COL15A1: variants seen among roughly 807,000 people sequenced by gnomAD.
COL15A1 encodes collagen alpha-1(XV) chain.
In COL15A1, 111 loss-of-function variants were observed where a neutral mutation model predicts 165.9. The observed-to-expected ratio is 0.67, with a 90% confidence interval of 0.57 to 0.78. The LOEUF is 0.78. Among genes scored for constraint, COL15A1 ranks in the 30% least tolerant of loss-of-function variants. COL15A1 has a pLI of 0.00. For synonymous variants in COL15A1, 659 were observed against 674.8 expected (o/e 0.98, Z 0.36); for missense variants, 1,745 against 1,789.7 (o/e 0.98, Z 0.45).
chr9:98,958,007 G>A (rs1837805063), intron 2 of COL15A1, among the ~76,000 whole-genome samples: 2 of 152,202 alleles, frequency 1.3e-5, no homozygotes, highest in African/African-American at 4.8e-5. Context: ...CAGTACTCAG[G>A]CAATGCCTTT....
At chr9:99,031,248 C>T (rs985855356) in intron 16 of COL15A1, among the ~76,000 whole-genome samples, 16 of 152,176 alleles carry the variant, frequency 1.1e-4, no homozygotes, top group Non-Finnish European at 1.9e-4. Flanking sequence ...GAGCCCAGAC[C>T]ACCCTCAGCC....
chr9:99,018,067 G>A (rs1409201865), intron 11 of COL15A1, among the ~76,000 whole-genome samples: 6 of 152,176 alleles, frequency 3.9e-5, no homozygotes, highest in Admixed American at 1.3e-4. Context: ...CAATGTGTAT[G>A]GCTGATAGAG....
intron 13 of COL15A1, among the ~76,000 whole-genome samples, chr9:99,022,441 G>A (rs373711130): frequency 6.6e-6 from 1 of 152,170 alleles, no homozygotes; most frequent in East Asian, 1.9e-4. Context: ...CCCCATCTCT[G>A]AGGATGGCAC....
chr9:99,048,338 A>G (rs1049771350), intron 28 of COL15A1, among the ~76,000 whole-genome samples: 1 of 152,106 alleles, frequency 6.6e-6, no homozygotes, highest in Non-Finnish European at 1.5e-5. Context: ...ACACAGTCCC[A>G]GGGATCACTC....
chr9:99,005,075 G>A (rs376214368), intron 9 of COL15A1, 25 bp downstream of exon 9: 74 of 1,560,444 alleles, frequency 4.7e-5, no homozygotes, highest in Non-Finnish European at 6.1e-5. Context: ...GTGCCCAAAG[G>A]TTGAGGTCAT....
intron 12 of COL15A1, among the ~76,000 whole-genome samples, chr9:99,021,295 G>A (rs1190808770): frequency 6.6e-6 from 1 of 152,232 alleles, no homozygotes; most frequent in African/African-American, 2.4e-5. Context: ...GAGGGCCAGG[G>A]CTGGGGAGGG....
chr9:98,972,544 G>C (rs1303857355), intron 2 of COL15A1, among the ~76,000 whole-genome samples: 3 of 152,220 alleles, frequency 2.0e-5, no homozygotes, highest in Non-Finnish European at 4.4e-5. Flanking sequence ...ATCCATCTCA[G>C]AAAGAATCAA....
At chr9:99,016,374 A>G (rs1024724335) in intron 11 of COL15A1, among the ~76,000 whole-genome samples, 10 of 152,194 alleles carry the variant, frequency 6.6e-5, no homozygotes, top group Non-Finnish European at 1.0e-4. Context: ...TTGAAATGAG[A>G]TCTAACAGTC....
chr9:98,977,485 C>T (rs887296817), intron 2 of COL15A1, among the ~76,000 whole-genome samples: 9 of 152,240 alleles, frequency 5.9e-5, no homozygotes, highest in African/African-American at 1.9e-4. Context: ...CAGGCGCAGC[C>T]GCGAGTGAGC....
intron 2 of COL15A1, among the ~76,000 whole-genome samples, chr9:98,968,663 A>G (rs1837995140): frequency 6.6e-6 from 1 of 152,190 alleles, no homozygotes; most frequent in African/African-American, 2.4e-5. Context: ...TGTAATGAAC[A>G]TATTTAGAAA....
intron 2 of COL15A1, among the ~76,000 whole-genome samples, chr9:98,970,890 G>A (rs1026313425): frequency 6.6e-6 from 1 of 152,158 alleles, no homozygotes; most frequent in African/African-American, 2.4e-5. Flanking sequence ...ATATCTATGT[G>A]TTAGTTTGTG....
intron 11 of COL15A1, among the ~76,000 whole-genome samples, chr9:99,018,631 A>G (rs1423327637): frequency 1.3e-5 from 2 of 152,226 alleles, no homozygotes; most frequent in African/African-American, 4.8e-5. Flanking sequence ...TTAGCCAACA[A>G]TAGAAGATTA....
At chr9:99,067,151 CA>C in intron 40 of COL15A1, 84 bp downstream of exon 40, 1 of 1,201,426 alleles carries the variant, frequency 8.3e-7, no homozygotes, top group Non-Finnish European at 1.2e-6. Flanking sequence ...CTGACATCAA[CA>C]GAAGACTGTT....
In COL15A1 at chr9:98,989,205, G is replaced by C. The variant is rs745745681; in HGVS notation, c.751G>C (p.Glu251Gln). The C allele has an allele frequency of 4.3e-6, 7 of 1,614,186 alleles. No homozygotes were observed. The highest frequency in any genetic ancestry group is 5.1e-6 in the Non-Finnish European group (6 of 1,180,008). ...ATCTGGAGAGACCAGTGGGCTGCAG[G>C]AGGCAGACGGAGTAGCTGAGATCTT... ...SASGETSGLQ[E>Q]ADGVAEILEA... Residue 251 changes from glutamate to glutamine, a missense_variant, in exon 5 of 42, where the codon GAG becomes CAG. By Grantham distance (29) the Glu-to-Gln change is conservative (BLOSUM62 2). Transcript: ENST00000375001.
chr9:99,036,694 T>C (rs1297288409), intron 21 of COL15A1, among the ~76,000 whole-genome samples: 2 of 152,206 alleles, frequency 1.3e-5, no homozygotes, highest in Non-Finnish European at 2.9e-5. Context: ...CAGTGCACAC[T>C]TTCCCCAGCC....
At chr9:99,016,485 C>T (rs1838936893) in intron 11 of COL15A1, among the ~76,000 whole-genome samples, 1 of 152,134 alleles carries the variant, frequency 6.6e-6, no homozygotes, top group Admixed American at 6.5e-5. Context: ...CCTCCAAGTC[C>T]CTGCCAACAT....
At chr9:99,055,737 T>C (rs186729437) in intron 34 of COL15A1, among the ~76,000 whole-genome samples, 486 of 152,346 alleles carry the variant, frequency 3.2e-3, no homozygotes, top group Middle Eastern at 6.8e-3. Context: ...TTGATTCTTC[T>C]GAAATTTTAT....
chr9:98,955,188 G>C (rs1300880198), intron 2 of COL15A1, among the ~76,000 whole-genome samples: 1 of 152,234 alleles, frequency 6.6e-6, no homozygotes, highest in Non-Finnish European at 1.5e-5. Context: ...TGCAGCCAAG[G>C]CTGAGAATAA....
At position 99,016,116 on chromosome 9, in the gene COL15A1, T is replaced by C. The variant is rs1838931256; in HGVS notation, c.1644T>C (p.Thr548=). The change falls in exon 11 of 42, where the codon ACT becomes ACC. Residue 548 remains threonine (T), a synonymous_variant. Transcript: ENST00000375001. ...LPTVAPERWI[T]PAQREHVGMK... is the part of the protein sequence containing the mutation. Reference sequence around the variant, plus strand: ...CAGTGGCTCCTGAAAGATGGATCACTCCAGTAAGTGGCATAGAGCTGTAAG... The same window carrying C: ...CAGTGGCTCCTGAAAGATGGATCACCCCAGTAAGTGGCATAGAGCTGTAAG... 5 of 1,609,158 alleles carry C rather than the reference T, an allele frequency of 3.1e-6. No individual in the cohort carries two copies. In the East Asian group the frequency reaches 1.1e-4, roughly 36 times the overall value.
Sources: gnomAD v4.1 joint callset for allele counts (sites outside exome capture counted in the v4.1 genomes callset) on GRCh38, gnomAD v4.1.1 for gene constraint, MANE v1.5 for transcripts, NCBI Gene and HGNC (gene_info 2026-07-23, HGNC 2026-07-21) for gene names.